MAP3K14: variants seen among roughly 807,000 people sequenced by gnomAD.
The protein encoded by MAP3K14 is NF-kappa-beta-inducing kinase.
Under a neutral mutation model 99.2 loss-of-function variants are expected in MAP3K14, and 16 were observed. The observed-to-expected ratio is 0.16, with a 90% CI of 0.11 to 0.24. The LOEUF (loss-of-function observed/expected upper bound fraction) is 0.24. Among genes scored for constraint, MAP3K14 ranks in the 10% least tolerant of loss-of-function variants. The pLI is 1.00. For missense variants in MAP3K14, 784 were observed against 1,208.7 expected (o/e 0.65, Z 5.21); for synonymous variants, 462 against 492.4 (o/e 0.94, Z 0.82).
intron 7 of MAP3K14, 46 bp downstream of exon 7, chr17:45,274,418 A>G (rs748636396): frequency 7.5e-6 from 12 of 1,609,382 alleles, no homozygotes; most frequent in East Asian, 2.2e-5. Flanking sequence ...TCAGGGGGGA[A>G]CTCTTGGCCC....
At chr17:45,289,791 G>T (rs879795057) in intron 2 of MAP3K14, among the ~76,000 whole-genome samples, 1 of 152,132 alleles carries the variant, frequency 6.6e-6, no homozygotes, top group Non-Finnish European at 1.5e-5. Context: ...AGTGGGAGAC[G>T]AGGGCAGGAT....
At chr17:45,266,163 C>A (rs1206100008) in intron 14 of MAP3K14, 2 of 182,040 alleles carry the variant, frequency 1.1e-5, no homozygotes, top group East Asian at 2.7e-4. Context: ...AGGGGGATTC[C>A]TTTTGCTGAG....
At chr17:45,266,773 C>T (rs1478620930) in intron 13 of MAP3K14, 92 bp from the exon 14 acceptor site, 4 of 1,385,868 alleles carry the variant, frequency 2.9e-6, no homozygotes, top group Non-Finnish European at 3.9e-6. Flanking sequence ...GGGCACTGCT[C>T]ATGCCCTCAG....
Position 45,286,500 on chromosome 17 carries a change from T to C in MAP3K14, c.1083A>G (p.Ala361=). ...GCTCCCGGGATCTGGAGCCCCTTGC[T>C]GCCCAGGTCTTGGCCAGGCTGGTCA... ...HSLTSLAKTW[A]ARGSRSREPS... is the part of the protein sequence containing the mutation. The change falls in exon 5 of 16, where the codon GCA becomes GCG. Residue 361 remains alanine, a synonymous_variant. Coordinates refer to ENST00000344686, the MANE Select transcript of MAP3K14 (RefSeq NM_003954.5). This position sits in a 1 kb window ranked among gnomAD's most constrained non-coding sequence, Gnocchi z 4.1. 6.2e-7 allele frequency: 1 copy of C among 1,606,186 alleles called. No individual in the cohort carries two copies. Among genetic ancestry groups the C allele is most frequent in the East Asian group, 2.2e-5 (1 of 44,660 alleles).
Position 45,266,698 on chromosome 17 carries a change from G to T in MAP3K14, c.2434-17C>A. On this transcript the variant is annotated splice_polypyrimidine_tract_variant and intron_variant, in intron 13 of 15. Coordinates refer to ENST00000344686, the MANE Select transcript of MAP3K14 (RefSeq NM_003954.5). ...TGATGGGTTCTGAAACAACAGGATTGGGTACGGGCTCAGGGCCCTGGGCTC... is the reference window on the plus strand; with the variant it reads ...TGATGGGTTCTGAAACAACAGGATTTGGTACGGGCTCAGGGCCCTGGGCTC... 1 of 1,598,830 alleles carries T rather than the reference G, an allele frequency of 6.3e-7. No homozygotes were observed.
intron 6 of MAP3K14, among the ~76,000 whole-genome samples, chr17:45,279,163 C>G (rs1291498390): frequency 1.3e-5 from 2 of 152,096 alleles, no homozygotes; most frequent in Non-Finnish European, 2.9e-5. Flanking sequence ...GAGTTTCGCT[C>G]TTGTTGCCCG....
At position 45,267,551 on chromosome 17, in the gene MAP3K14, A is replaced by T. The variant is rs944938258; in HGVS notation, c.2181T>A (p.Ser727=). Residue 727 remains serine, a synonymous_variant, in exon 12 of 16, where the codon TCT becomes TCA. Transcript: ENST00000344686. This position sits in a 1 kb window ranked among gnomAD's most constrained non-coding sequence, Gnocchi z 5.1. ...LPPEPPEPNK[S]PPLTLSKEES... The stretch of plus-strand genomic sequence containing the variant: ...CCTCCTTGCTCAAAGTCAAGGGAGG[A>T]GACTTGTTTGGCTCTGGGGGCTCTG... 6.2e-7 allele frequency: 1 copy of T among 1,613,334 alleles called. No homozygotes were observed.
intron 1 of MAP3K14, among the ~76,000 whole-genome samples, chr17:45,294,664 C>A (rs1219265761): frequency 3.3e-5 from 5 of 152,202 alleles, no homozygotes; most frequent in Non-Finnish European, 7.3e-5. Flanking sequence ...CAGATAAGTT[C>A]TTTAAATGCA....
At chr17:45,282,813 G>C (rs2044233944) in intron 6 of MAP3K14, among the ~76,000 whole-genome samples, 1 of 152,146 alleles carries the variant, frequency 6.6e-6, no homozygotes, top group Admixed American at 6.6e-5. Context: ...CCTAATCAGG[G>C]AACTGTTTCT....
intron 6 of MAP3K14, among the ~76,000 whole-genome samples, chr17:45,280,063 T>C (rs968011754): frequency 2.0e-5 from 3 of 152,192 alleles, no homozygotes; most frequent in African/African-American, 7.2e-5. Flanking sequence ...CCCCTGCACA[T>C]TGTCTGGCAC....
At chr17:45,313,042 A>G (rs2044496364) in intron 1 of MAP3K14, among the ~76,000 whole-genome samples, 1 of 152,196 alleles carries the variant, frequency 6.6e-6, no homozygotes, top group Admixed American at 6.5e-5. Flanking sequence ...AGGATTGTCA[A>G]CTGGGCAGAG....
At chr17:45,293,528 T>C (rs2044327814) in intron 1 of MAP3K14, among the ~76,000 whole-genome samples, 3 of 152,218 alleles carry the variant, frequency 2.0e-5, no homozygotes, top group Non-Finnish European at 4.4e-5. Context: ...AGTTCCCCGA[T>C]GACTCATCCA....
chr17:45,273,750 T>A, intron 8 of MAP3K14, 143 bp from the exon 9 acceptor site: 1 of 722,294 alleles, frequency 1.4e-6, no homozygotes. Flanking sequence ...TTAGTTTCAT[T>A]AATCGTGGAG....
At position 45,316,964 on chromosome 17, in the gene MAP3K14, C is replaced by T. The variant is rs1273425691; in HGVS notation, c.-25G>A. 2 of 152,184 alleles carry T rather than the reference C, an allele frequency of 1.3e-5. No homozygotes were observed. The highest frequency in any genetic ancestry group is 3.8e-4 in the East Asian group (2 of 5,202). The allele number at this position is 152,184 out of a possible 1,614,324, so 9.4% of individuals were successfully genotyped here. A position where few individuals can be genotyped will look rare whatever the true frequency, so the allele number is the denominator to read the frequency against. On this transcript the variant is annotated 5_prime_UTR_variant, in exon 1 of 16. Transcript: ENST00000344686. ...GGGTCCCGCCCCGTCACCTACCGGC[C>T]AAGCGCCGATCTCCCCAACCAAGCG...
chr17:45,287,050 G>T lies in MAP3K14; in HGVS notation c.538-5C>A, dbSNP rs374961674. The T allele has an allele frequency of 1.9e-6, 3 of 1,609,196 alleles. No individual in the cohort carries two copies. Among genetic ancestry groups the T allele is most frequent in the Middle Eastern group, 1.7e-4 (1 of 6,042 alleles). Reference sequence around the variant, plus strand: ...GCCGAGTGGAGACTCATCCTCCTGCGGGGGGAAACACAGCTATCAGCACAG... The same window carrying T: ...GCCGAGTGGAGACTCATCCTCCTGCTGGGGGAAACACAGCTATCAGCACAG... On this transcript the variant is annotated splice_polypyrimidine_tract_variant and splice_region_variant and intron_variant, in intron 4 of 15. Transcript: ENST00000344686.
intron 1 of MAP3K14, among the ~76,000 whole-genome samples, chr17:45,292,716 C>G (rs1358182549): frequency 6.6e-6 from 1 of 152,194 alleles, no homozygotes; most frequent in Non-Finnish European, 1.5e-5. Context: ...AAGCCCAGAG[C>G]CGATCCCACT....
rs1315928374 is a variant in MAP3K14, at chr17:45,276,884, G to A, written c.1291-2291C>T. Reference sequence around the variant, plus strand: ...CGCTCTGTCACCAGGCTGGAGTGCAGTGGTGTGATATCTCAGCTCACTGCA... The same window carrying A: ...CGCTCTGTCACCAGGCTGGAGTGCAATGGTGTGATATCTCAGCTCACTGCA... On this transcript the variant is annotated intron_variant, in intron 6 of 15. Coordinates refer to ENST00000344686, the MANE Select transcript of MAP3K14 (RefSeq NM_003954.5). Among the ~76,000 whole-genome samples the A allele has an allele frequency of 2.5e-5, 3 of 122,006 alleles. No individual in the cohort carries two copies. In the East Asian group the frequency reaches 7.8e-4, roughly 32 times the overall value. The allele number at this position is 122,006 out of a possible 152,430, so 80.0% of individuals were successfully genotyped here.
chr17:45,315,834 C>A (rs948843380), intron 1 of MAP3K14, among the ~76,000 whole-genome samples: 1 of 152,166 alleles, frequency 6.6e-6, no homozygotes, highest in East Asian at 1.9e-4. Flanking sequence ...ACCACACAGC[C>A]ATCTGAAGGA....
chr17:45,287,917 C>T lies in MAP3K14; in HGVS notation c.327-553G>A, dbSNP rs548837398. ...CTGGCTGCTGTTGAAGGTGAACAGCCTGGGCTGCTGCCTGGTACTGGGGAG... is the reference window on the plus strand; with the variant it reads ...CTGGCTGCTGTTGAAGGTGAACAGCTTGGGCTGCTGCCTGGTACTGGGGAG... On this transcript the variant is annotated intron_variant, in intron 3 of 15. Coordinates refer to ENST00000344686, the MANE Select transcript of MAP3K14 (RefSeq NM_003954.5). Among the ~76,000 whole-genome samples the T allele has an allele frequency of 1.2e-4, 19 of 152,328 alleles. No homozygotes were observed. In the East Asian group the frequency reaches 1.7e-3, roughly 14 times the overall value.
Sources: gnomAD v4.1 joint callset for allele counts (sites outside exome capture counted in the v4.1 genomes callset) on GRCh38, gnomAD v4.1.1 for gene constraint, Gnocchi (gnomAD v3.1) non-coding constraint, MANE v1.5 for transcripts, NCBI Gene and HGNC (gene_info 2026-07-23, HGNC 2026-07-21) for gene names.